The following PCDHA2 variants were observed in gnomAD, a reference collection of about 807,000 sequenced individuals.
PCDHA2 encodes protocadherin alpha 2.
A neutral mutation model predicts 66.0 loss-of-function variants in PCDHA2; 58 were observed. The ratio of observed to expected loss-of-function variants is 0.88; its 90% CI spans 0.71 to 1.09. The LOEUF is 1.09. Among genes scored for constraint, PCDHA2 ranks in the 50% least tolerant of loss-of-function variants. The pLI is 0.00. For missense variants in PCDHA2, 1,267 were observed against 1,242.3 expected (o/e 1.02, Z -0.30); for synonymous variants, 634 against 554.0 (o/e 1.14, Z -2.03).
rs2150156019 is a variant in PCDHA2 at position 140,828,493 on chromosome 5, G to A, written c.2388+31141G>A. 45 of 1,614,112 alleles carry A rather than the reference G, an allele frequency of 2.8e-5. No individual in the cohort carries two copies. In the Middle Eastern group the frequency reaches 8.2e-4, roughly 29 times the overall value. ...TTAACGACAACCCGCCCTTGTTCCC[G>A]GTAGAGGAACAAAGAGTGCTGATTT... On this transcript the variant is annotated intron_variant, in intron 1 of 3. Transcript: ENST00000526136.
chr5:140,875,902 G>C (rs192382804), intron 1 of PCDHA2: 14 of 1,614,160 alleles, frequency 8.7e-6, no homozygotes, highest in Non-Finnish European at 1.2e-5. Flanking sequence ...ACCTGTTTCT[G>C]AATCTGCGCC....
chr5:140,854,089 G>A, intron 1 of PCDHA2: 1 of 266,188 alleles, frequency 3.8e-6, no homozygotes, highest in Non-Finnish European at 5.6e-6. Flanking sequence ...TTGAGCCTGG[G>A]ACATTGAGGC....
At chr5:140,871,209 C>T (rs955703694) in intron 1 of PCDHA2, 19 of 1,613,704 alleles carry the variant, frequency 1.2e-5, no homozygotes, top group East Asian at 4.5e-5. Flanking sequence ...TGATCATCGC[C>T]ATCTGCGTGG....
intron 1 of PCDHA2, among the ~76,000 whole-genome samples, chr5:140,961,888 T>G (rs1361187779): frequency 4.0e-5 from 5 of 124,944 alleles, no homozygotes; most frequent in Non-Finnish European, 7.9e-5. Context: ...CTTACATCAG[T>G]TTTTTTTTTT....
intron 1 of PCDHA2, chr5:140,881,408 T>A (rs1397596000): frequency 1.1e-6 from 1 of 949,826 alleles, no homozygotes; most frequent in Non-Finnish European, 1.3e-6. Flanking sequence ...ATTAAATCAA[T>A]AGGATATTAG....
intron 1 of PCDHA2, chr5:140,824,017 T>C (rs2150131551): frequency 1.2e-6 from 2 of 1,613,996 alleles, no homozygotes; most frequent in South Asian, 2.2e-5. Context: ...GGGGAGCTGG[T>C]CGTACTCGCA....
intron 1 of PCDHA2, chr5:140,928,370 C>T (rs2085193734): frequency 6.2e-7 from 1 of 1,614,062 alleles, no homozygotes; most frequent in South Asian, 1.1e-5. Context: ...GAAGGGCCAT[C>T]AGCCTCTAGC....
chr5:140,827,878 G>T, intron 1 of PCDHA2: 1 of 657,238 alleles, frequency 1.5e-6, no homozygotes, highest in East Asian at 2.7e-5. Context: ...ACTGTTACGT[G>T]AATTGATTTC....
intron 1 of PCDHA2, chr5:140,811,701 G>A (rs1164778955): frequency 1.3e-5 from 2 of 152,172 alleles, no homozygotes; most frequent in Non-Finnish European, 2.9e-5. Flanking sequence ...TCTAACTGGT[G>A]TGAGATGGTA....
chr5:140,857,717 G>T, intron 1 of PCDHA2: 1 of 1,597,518 alleles, frequency 6.3e-7, no homozygotes, highest in Non-Finnish European at 8.6e-7. Context: ...CGTGCTGGAC[G>T]AGAACGACAA....
intron 1 of PCDHA2, chr5:140,801,488 G>A (rs1448988346): frequency 3.7e-6 from 6 of 1,614,026 alleles, no homozygotes; most frequent in Middle Eastern, 1.7e-4. Flanking sequence ...AACTGTGCGG[G>A]CGGAGCGCGG....
Position 140,796,507 on chromosome 5 carries a change from G to A in PCDHA2, c.1543G>A (p.Gly515Ser), listed in dbSNP as rs782557093. ...CTACGTTTCGGTGCACGCGGAGAGC[G>A]GCAAGGTGTACGCGCTGCAGCCGCT... ...SSYVSVHAES[G>S]KVYALQPLDH... Residue 515 changes from glycine to serine, a missense_variant, in exon 1 of 4, where the codon GGC becomes AGC. Transcript: ENST00000526136. The A allele has an allele frequency of 1.9e-6, 3 of 1,612,268 alleles. No individual in the cohort carries two copies. Among genetic ancestry groups the A allele is most frequent in the African/African-American group, 1.3e-5 (1 of 74,898 alleles).
intron 1 of PCDHA2, among the ~76,000 whole-genome samples, chr5:140,960,408 A>C (rs1006586468): frequency 6.6e-6 from 1 of 152,206 alleles, no homozygotes; most frequent in Admixed American, 6.5e-5. Flanking sequence ...GGGGGTGCCC[A>C]AAAAGTCAAC....
chr5:140,959,038 A>ATG (rs1387162159), intron 1 of PCDHA2, among the ~76,000 whole-genome samples: 2 of 151,994 alleles, frequency 1.3e-5, no homozygotes, highest in Non-Finnish European at 2.9e-5. Flanking sequence ...ATGGGTATGT[A>ATG]TGTATAGGAA....
intron 1 of PCDHA2, among the ~76,000 whole-genome samples, chr5:140,838,285 T>A (rs1262712034): frequency 2.0e-5 from 3 of 149,460 alleles, no homozygotes; most frequent in Admixed American, 6.6e-5. Flanking sequence ...TGCTAATTTT[T>A]TTTTTTTTTT....
chr5:140,877,090 G>T lies in PCDHA2; in HGVS notation c.2388+79738G>T, dbSNP rs201209762. ...GCAGTTCCAGGTGAGCGCGCGCGAC[G>T]CCGGCGTGCCGCCTCTGGGCAGCAA... is the stretch of plus-strand genomic sequence containing the variant. On this transcript the variant is annotated intron_variant, in intron 1 of 3. Coordinates refer to ENST00000526136, the MANE Select transcript of PCDHA2 (RefSeq NM_018905.3). 4,655 of 1,613,184 alleles carry T rather than the reference G, an allele frequency of 2.9e-3. 21 individuals are homozygous for T. Among genetic ancestry groups the T allele is most frequent in the African/African-American group, 0.01 (785 of 75,036 alleles).
chr5:140,825,432 T>C (rs1768574114), intron 1 of PCDHA2: 1 of 147,582 alleles, frequency 6.8e-6, no homozygotes, highest in Admixed American at 6.8e-5. Flanking sequence ...ATAATAAATA[T>C]ATAATAATAA....
chr5:140,807,105 G>C (rs1763844674), intron 1 of PCDHA2: 1 of 1,454,344 alleles, frequency 6.9e-7, no homozygotes, highest in African/African-American at 1.4e-5. Context: ...GGAGGATGCA[G>C]CTGCACTTGA....
Position 140,848,427 on chromosome 5 carries a change from A to G in PCDHA2, c.2388+51075A>G, listed in dbSNP as rs1781513413. The G allele has an allele frequency of 2.1e-6, 3 of 1,451,764 alleles. No homozygotes were observed. In the African/African-American group the frequency reaches 4.2e-5, roughly 20 times the overall value. The allele number at this position is 1,451,764 out of a possible 1,614,324, so 89.9% of individuals were successfully genotyped here. A position where few individuals can be genotyped will look rare whatever the true frequency, so the allele number is the denominator to read the frequency against. The stretch of plus-strand genomic sequence containing the variant: ...TGGCGAACACAGCAGAATGGGACTG[A>G]CGAAATCAGATGATTTCTTCTAATT... On this transcript the variant is annotated intron_variant, in intron 1 of 3. Coordinates refer to ENST00000526136, the MANE Select transcript of PCDHA2 (RefSeq NM_018905.3).
Sources: allele counts gnomAD v4.1 joint callset (sites outside exome capture counted in the v4.1 genomes callset), GRCh38; gene constraint gnomAD v4.1.1; transcripts MANE v1.5; gene names NCBI Gene and HGNC (gene_info 2026-07-23, HGNC 2026-07-21).